The following CPM variants were observed in gnomAD, a reference collection of about 807,000 sequenced individuals.
The protein encoded by CPM is renal carboxypeptidase.
In CPM, 35 loss-of-function variants were observed where a neutral mutation model predicts 46.4. That is an observed-to-expected ratio of 0.75 (90% CI 0.58 to 1.00). The LOEUF is 1.00. Ranked by LOEUF, CPM falls within the 50% of genes least tolerant of loss-of-function variation. CPM has a pLI of 0.00. For synonymous variants in CPM, 195 were observed against 195.3 expected (o/e 1.00, Z 0.01); for missense variants, 422 against 530.4 (o/e 0.80, Z 2.01).
At chr12:68,958,969 T>G (rs1218796472) in intron 1 of CPM, among the ~76,000 whole-genome samples, 1 of 152,160 alleles carries the variant, frequency 6.6e-6, no homozygotes, top group Non-Finnish European at 1.5e-5. Context: ...TCCTTCTTAT[T>G]CGGGTTTCAA....
intron 1 of CPM, among the ~76,000 whole-genome samples, chr12:68,949,214 T>C (rs1348520255): frequency 6.6e-6 from 1 of 152,054 alleles, no homozygotes; most frequent in Non-Finnish European, 1.5e-5. Context: ...GTACAAAAAA[T>C]ACAAAAATTA....
At position 68,869,316 on chromosome 12, in the gene CPM, G is replaced by A. The variant is rs539583214; in HGVS notation, c.787+9C>T. ...ATAAGGAGAATGGAAGAAATGAAGA[G>A]AAACTCACCTTGGAGTGGATACCAA... On this transcript the variant is annotated intron_variant, in intron 6 of 8. Coordinates refer to ENST00000551568, the MANE Select transcript of CPM (RefSeq NM_198320.5). 240 of 1,608,974 alleles carry A rather than the reference G, an allele frequency of 1.5e-4. 3 individuals are homozygous for A. In the South Asian group the frequency reaches 2.4e-3, roughly 16 times the overall value.
At chr12:68,959,872 C>CAGA (rs1282719423) in intron 1 of CPM, among the ~76,000 whole-genome samples, 3 of 152,176 alleles carry the variant, frequency 2.0e-5, no homozygotes, top group Non-Finnish European at 4.4e-5. Flanking sequence ...TATCCCCAGG[C>CAGA]GTCTCTCCCA....
At chr12:68,865,597 C>T (rs963943769) in intron 7 of CPM, among the ~76,000 whole-genome samples, 1 of 151,974 alleles carries the variant, frequency 6.6e-6, no homozygotes, top group Non-Finnish European at 1.5e-5. Context: ...TGCAGCAAAC[C>T]TTTTCAACAC....
chr12:68,903,426 G>A lies in CPM; in HGVS notation c.161-17537C>T, dbSNP rs542087332. ...GTAGGCCCAAGATTACATGGGCACCGCCACTGAACATTTTCAGGTCAGAAA... is the reference window on the plus strand; with the variant it reads ...GTAGGCCCAAGATTACATGGGCACCACCACTGAACATTTTCAGGTCAGAAA... On this transcript the variant is annotated intron_variant, in intron 2 of 8. Coordinates refer to ENST00000551568, the MANE Select transcript of CPM (RefSeq NM_198320.5). 2.6e-5 allele frequency among the ~76,000 whole-genome samples: 4 copies of A among 152,258 alleles called. No individual in the cohort carries two copies. In the South Asian group the frequency reaches 8.3e-4, roughly 32 times the overall value.
At chr12:68,876,935 A>G (rs942696641) in intron 3 of CPM, among the ~76,000 whole-genome samples, 3 of 151,500 alleles carry the variant, frequency 2.0e-5, no homozygotes, top group Non-Finnish European at 2.9e-5. Context: ...AGAGAGAGAG[A>G]GAGAATCTTC....
At chr12:68,883,562 A>C (rs1188862214) in intron 3 of CPM, among the ~76,000 whole-genome samples, 1 of 152,114 alleles carries the variant, frequency 6.6e-6, no homozygotes, top group Non-Finnish European at 1.5e-5. Flanking sequence ...TTTCTCAAAG[A>C]ATCAGAGCGC....
chr12:68,867,088 T>C, intron 6 of CPM, 40 bp from the exon 7 acceptor site: 1 of 1,608,898 alleles, frequency 6.2e-7, no homozygotes, highest in Non-Finnish European at 8.5e-7. Flanking sequence ...GGGTCTAAAA[T>C]TGGAGTGGAG....
intron 6 of CPM, among the ~76,000 whole-genome samples, chr12:68,868,572 C>T (rs566046490): frequency 2.6e-5 from 4 of 152,082 alleles, no homozygotes; most frequent in Non-Finnish European, 5.9e-5. Flanking sequence ...CCCTCCTACC[C>T]CGGGTTTCTG....
At chr12:68,842,268 C>T in exon 6 of CPM, 1 of 497,046 alleles carries the variant, frequency 2.0e-6, no homozygotes, top group Non-Finnish European at 4.0e-6. Flanking sequence ...ACGGAAAGTT[C>T]AGGACATCAA....
At chr12:68,915,068 T>C (rs1368924616) in intron 2 of CPM, among the ~76,000 whole-genome samples, 1 of 152,170 alleles carries the variant, frequency 6.6e-6, no homozygotes, top group Non-Finnish European at 1.5e-5. Flanking sequence ...TTTTCTTCTT[T>C]TTTTAGATAG....
At position 68,853,471 on chromosome 12, in the gene CPM, A is replaced by G. The variant is rs1412284716; in HGVS notation, c.*2966T>C. The G allele has an allele frequency of 6.6e-6, 1 of 151,946 alleles. No individual in the cohort carries two copies. The highest frequency in any genetic ancestry group is 1.5e-5 in the Non-Finnish European group (1 of 68,020). The allele number at this position is 151,946 out of a possible 1,614,324, so 9.4% of individuals were successfully genotyped here. ...CATAATTGGTTTAAATAAGCCTCCA[A>G]TTTGTTTATATTTATTAACATGTAT... On this transcript the variant is annotated 3_prime_UTR_variant, in exon 9 of 9. Transcript: ENST00000551568.
intron 3 of CPM, among the ~76,000 whole-genome samples, chr12:68,876,891 TGC>T (rs1436660949): frequency 2.1e-5 from 2 of 93,670 alleles, no homozygotes; most frequent in East Asian, 3.8e-4. Context: ...TGCACGCGCA[TGC>T]GTGTGTGTGT....
chr12:68,879,165 G>A lies in CPM; in HGVS notation c.258+6627C>T, dbSNP rs1034732275. On this transcript the variant is annotated intron_variant, in intron 3 of 8. Transcript: ENST00000551568. ...ATCACACCAATGCATTCTAGCCTGCGTTACAGAGCGAGATCCCAACTCTAA... is the reference window on the plus strand; with the variant it reads ...ATCACACCAATGCATTCTAGCCTGCATTACAGAGCGAGATCCCAACTCTAA... 6.6e-5 allele frequency among the ~76,000 whole-genome samples: 10 copies of A among 152,254 alleles called. No individual in the cohort carries two copies. In the East Asian group the frequency reaches 7.7e-4, roughly 12 times the overall value.
At chr12:68,895,451 C>T (rs1362195404) in intron 2 of CPM, among the ~76,000 whole-genome samples, 1 of 152,188 alleles carries the variant, frequency 6.6e-6, no homozygotes, top group Non-Finnish European at 1.5e-5. Context: ...ATATGAGTGA[C>T]ATCTAAATCT....
intron 3 of CPM, among the ~76,000 whole-genome samples, chr12:68,885,138 T>C (rs2136250953): frequency 6.6e-6 from 1 of 152,182 alleles, no homozygotes; most frequent in South Asian, 2.1e-4. Context: ...AGAGACAAGG[T>C]TTCACCATGT....
intron 8 of CPM, among the ~76,000 whole-genome samples, chr12:68,857,255 G>A (rs911068196): frequency 6.6e-6 from 1 of 151,524 alleles, no homozygotes; most frequent in African/African-American, 2.4e-5. Context: ...CCGCCTCCCG[G>A]GTTCAAGCGA....
chr12:68,923,038 C>T (rs1888100870), intron 2 of CPM, among the ~76,000 whole-genome samples: 1 of 152,026 alleles, frequency 6.6e-6, no homozygotes, highest in Non-Finnish European at 1.5e-5. Context: ...AGTGATTCTC[C>T]TGTGTAAACC....
At chr12:68,928,026 A>T (rs77896524) in intron 2 of CPM, among the ~76,000 whole-genome samples, 2 of 152,318 alleles carry the variant, frequency 1.3e-5, no homozygotes, top group East Asian at 3.9e-4. Context: ...ACTACTTTAA[A>T]GTTCATATGG....
Sources: gnomAD v4.1 joint callset for allele counts (sites outside exome capture counted in the v4.1 genomes callset) on GRCh38, gnomAD v4.1.1 for gene constraint, MANE v1.5 for transcripts, NCBI Gene and HGNC (gene_info 2026-07-23, HGNC 2026-07-21) for gene names.